Variants in PTPRD observed in about 807,000 individuals in gnomAD.
PTPRD encodes the protein protein tyrosine phosphatase receptor type D, also known as receptor-type tyrosine-protein phosphatase delta.
A neutral mutation model predicts 214.5 loss-of-function variants in PTPRD; 34 were observed. The observed-to-expected ratio is 0.16, with a 90% CI of 0.12 to 0.21. The LOEUF (loss-of-function observed/expected upper bound fraction) is 0.21, where lower values mean the gene tolerates loss of function less well. Among genes scored for constraint, PTPRD ranks in the 10% least tolerant of loss-of-function variants. The pLI is 1.00. For missense variants in PTPRD, 2,545 were observed against 2,398.7 expected, an observed-to-expected ratio of 1.06 and a Z score of -1.27; for synonymous variants, 1,128 against 845.7, an observed-to-expected ratio of 1.33 and a Z score of -5.79.
chr9:10,254,164 GT>G (rs1325996225), intron 3 of PTPRD, among the ~76,000 whole-genome samples: 1 of 152,016 alleles, frequency 6.6e-6, no homozygotes, highest in East Asian at 1.9e-4. Context: ...TTAAATTTTT[GT>G]TTATTTACCT....
intron 10 of PTPRD, among the ~76,000 whole-genome samples, chr9:9,021,893 G>A (rs544257385): frequency 3.3e-5 from 5 of 150,808 alleles, no homozygotes; most frequent in Non-Finnish European, 7.4e-5. Context: ...GTTTTAAAAA[G>A]TTTCTAAAGT....
At chr9:8,422,077 G>A (rs1564694920) in intron 35 of PTPRD, among the ~76,000 whole-genome samples, 2 of 145,976 alleles carry the variant, frequency 1.4e-5, no homozygotes, top group South Asian at 2.2e-4. Context: ...GCCTGTGGAG[G>A]CAGAGGCTGC....
intron 8 of PTPRD, among the ~76,000 whole-genome samples, chr9:9,536,611 G>A (rs928136541): frequency 9.9e-5 from 15 of 151,926 alleles, no homozygotes; most frequent in South Asian, 2.1e-4. Flanking sequence ...CTTTGCCCAC[G>A]TCCACAGCCT....
intron 4 of PTPRD, among the ~76,000 whole-genome samples, chr9:10,032,533 T>C (rs1033629799): frequency 6.6e-6 from 1 of 152,206 alleles, no homozygotes; most frequent in Admixed American, 6.5e-5. Context: ...GGGACTCTTC[T>C]ATGTCTCCTC....
chr9:9,363,167 A>G (rs1315930490), intron 9 of PTPRD, among the ~76,000 whole-genome samples: 3 of 144,172 alleles, frequency 2.1e-5, no homozygotes, highest in Middle Eastern at 3.4e-3. Flanking sequence ...TGGATATGAC[A>G]TATCTTTTTT....
chr9:10,204,361 T>G (rs1221408522), intron 3 of PTPRD, among the ~76,000 whole-genome samples: 3 of 152,158 alleles, frequency 2.0e-5, no homozygotes, highest in Non-Finnish European at 4.4e-5. Flanking sequence ...GAGAATAGCT[T>G]TACTGATTTT....
intron 5 of PTPRD, among the ~76,000 whole-genome samples, chr9:9,933,668 AC>A (rs1376086512): frequency 6.8e-6 from 1 of 147,826 alleles, no homozygotes; most frequent in Non-Finnish European, 1.5e-5. Context: ...AGACAGATCA[AC>A]CAGACAGAAA....
At chr9:10,331,453 TC>T (rs1375146126) in intron 3 of PTPRD, among the ~76,000 whole-genome samples, 1 of 151,880 alleles carries the variant, frequency 6.6e-6, no homozygotes, top group African/African-American at 2.4e-5. Flanking sequence ...ATTTCCCCAT[TC>T]CCTGTCTGAA....
At chr9:10,130,199 A>C (rs12555583) in intron 3 of PTPRD, among the ~76,000 whole-genome samples, 27,472 of 143,380 alleles carry the variant, frequency 0.19, 2,893 homozygotes, top group African/African-American at 0.29. Flanking sequence ...GCTCTTTCTT[A>C]TCTACTGGGA....
intron 10 of PTPRD, among the ~76,000 whole-genome samples, chr9:9,054,136 T>C (rs567918774): frequency 6.4e-4 from 98 of 152,290 alleles, no homozygotes; most frequent in Non-Finnish European, 1.3e-3. Flanking sequence ...GCCTGCATCA[T>C]TGCATGTAAT....
intron 14 of PTPRD, among the ~76,000 whole-genome samples, chr9:8,578,151 G>A (rs1162493206): frequency 6.6e-6 from 1 of 152,154 alleles, no homozygotes; most frequent in Non-Finnish European, 1.5e-5. Context: ...ATGTGAAGAT[G>A]ATCATGTCAA....
intron 11 of PTPRD, among the ~76,000 whole-genome samples, chr9:8,910,916 A>C (rs1434883039): frequency 6.6e-6 from 1 of 152,232 alleles, no homozygotes; most frequent in Non-Finnish European, 1.5e-5. Flanking sequence ...TTGTACACAG[A>C]AGACTACAAA....
chr9:9,561,807 T>A (rs1422540177), intron 8 of PTPRD, among the ~76,000 whole-genome samples: 1 of 152,216 alleles, frequency 6.6e-6, no homozygotes, highest in East Asian at 1.9e-4. Context: ...ATCTACTGGT[T>A]GTACCTTCTC....
intron 4 of PTPRD, among the ~76,000 whole-genome samples, chr9:9,938,959 A>G (rs1427875889): frequency 2.6e-5 from 4 of 151,932 alleles, no homozygotes; most frequent in East Asian, 1.9e-4. Context: ...ATCAAAATAC[A>G]TTTTTAAACT....
intron 30 of PTPRD, among the ~76,000 whole-genome samples, chr9:8,478,305 G>A (rs991144066): frequency 6.6e-6 from 1 of 152,072 alleles, no homozygotes; most frequent in Non-Finnish European, 1.5e-5. Context: ...GCTAATAGTG[G>A]AACACAAATC....
chr9:8,985,587 T>G (rs1024808681), intron 11 of PTPRD, among the ~76,000 whole-genome samples: 1 of 151,648 alleles, frequency 6.6e-6, no homozygotes, highest in Non-Finnish European at 1.5e-5. Context: ...CACGCAGGGA[T>G]AGTCACTCAG....
intron 7 of PTPRD, among the ~76,000 whole-genome samples, chr9:9,629,238 G>A (rs201333806): frequency 1.0e-4 from 14 of 140,388 alleles, no homozygotes; most frequent in Middle Eastern, 3.8e-3. Flanking sequence ...GTGTGTGTGT[G>A]TATATATATA....
intron 7 of PTPRD, among the ~76,000 whole-genome samples, chr9:9,714,742 G>A (rs958359714): frequency 6.6e-6 from 1 of 152,076 alleles, no homozygotes; most frequent in Non-Finnish European, 1.5e-5. Context: ...GGTGGGAGGT[G>A]GGTGGCAGAG....
At chr9:9,733,538 T>C (rs2098237312) in intron 7 of PTPRD, among the ~76,000 whole-genome samples, 1 of 152,110 alleles carries the variant, frequency 6.6e-6, no homozygotes, top group Admixed American at 6.6e-5. Context: ...TATTGAGAAA[T>C]CCTGAAAGCA....
Sources: allele counts gnomAD v4.1 joint callset (sites outside exome capture counted in the v4.1 genomes callset), GRCh38; gene constraint gnomAD v4.1.1; transcripts MANE v1.5; gene names NCBI Gene and HGNC (gene_info 2026-07-23, HGNC 2026-07-21).